AGMO: variants seen among roughly 807,000 people sequenced by gnomAD.
AGMO encodes alkylglycerol monooxygenase.
Under a neutral mutation model 60.2 loss-of-function variants are expected in AGMO, and 75 were observed. The observed-to-expected ratio is 1.25, with a 90% CI of 1.03 to 1.51. AGMO has a LOEUF of 1.51. Ranked by LOEUF, AGMO falls within the 40% of genes most tolerant of loss-of-function variation. AGMO has a pLI of 0.00. For synonymous variants in AGMO, 261 were observed against 177.1 expected (o/e 1.47, Z -3.76); for missense variants, 763 against 525.5 (o/e 1.45, Z -4.42).
At chr7:15,410,924 G>A (rs547991764) in intron 5 of AGMO, among the ~76,000 whole-genome samples, 2 of 151,962 alleles carry the variant, frequency 1.3e-5, no homozygotes, top group East Asian at 3.9e-4. Context: ...TCACAACAAT[G>A]TATACCCTAT....
the AGMO span, among the ~76,000 whole-genome samples, chr7:15,147,101 C>A: frequency 2.6e-5 from 4 of 152,084 alleles, no homozygotes; most frequent in Admixed American, 6.5e-5. Context: ...GTTGCTTGGC[C>A]TTCTCTGGGG....
chr7:15,186,832 C>A, the AGMO span, among the ~76,000 whole-genome samples: 1 of 152,264 alleles, frequency 6.6e-6, no homozygotes, highest in South Asian at 2.1e-4. Flanking sequence ...TCCCGGCGCA[C>A]TTTGCAGATG....
intron 12 of AGMO, among the ~76,000 whole-genome samples, chr7:15,248,426 G>T (rs949036319): frequency 1.3e-5 from 2 of 151,752 alleles, no homozygotes; most frequent in South Asian, 4.2e-4. Flanking sequence ...ATCTAGACCA[G>T]AGATGGCAAG....
intron 12 of AGMO, among the ~76,000 whole-genome samples, chr7:15,237,185 A>G (rs1782448192): frequency 6.6e-6 from 1 of 152,102 alleles, no homozygotes; most frequent in African/African-American, 2.4e-5. Flanking sequence ...GAACAAGAGG[A>G]AGCAGATTCC....
chr7:15,512,113 C>A (rs1473282960), intron 3 of AGMO, among the ~76,000 whole-genome samples: 1 of 151,984 alleles, frequency 6.6e-6, no homozygotes, highest in Non-Finnish European at 1.5e-5. Flanking sequence ...ATCACTCATA[C>A]AAATGTTGCA....
At chr7:15,454,429 GTTAA>G (rs1461667069) in intron 3 of AGMO, among the ~76,000 whole-genome samples, 1 of 151,710 alleles carries the variant, frequency 6.6e-6, no homozygotes, top group African/African-American at 2.4e-5. Flanking sequence ...AGACAGATAT[GTTAA>G]TTAGTTTGAC....
chr7:15,554,512 A>G (rs534170482), intron 2 of AGMO, among the ~76,000 whole-genome samples: 1 of 152,050 alleles, frequency 6.6e-6, no homozygotes, highest in South Asian at 2.1e-4. Context: ...TATTTTCTTC[A>G]TGAATTCCCC....
intron 9 of AGMO, among the ~76,000 whole-genome samples, chr7:15,386,828 G>T (rs988021509): frequency 3.3e-5 from 5 of 152,002 alleles, no homozygotes; most frequent in African/African-American, 1.2e-4. Context: ...GAGTAATTTT[G>T]GGTTAAAACT....
At chr7:15,541,185 C>T (rs985291463) in intron 3 of AGMO, among the ~76,000 whole-genome samples, 4 of 152,046 alleles carry the variant, frequency 2.6e-5, no homozygotes, top group East Asian at 1.9e-4. Context: ...TGCAGTGGAA[C>T]GGTCTTGGCT....
At chr7:15,506,788 A>G (rs1174206740) in intron 3 of AGMO, among the ~76,000 whole-genome samples, 2 of 151,966 alleles carry the variant, frequency 1.3e-5, no homozygotes, top group Non-Finnish European at 2.9e-5. Flanking sequence ...GTGTGAGATG[A>G]GGTAAATACA....
intron 3 of AGMO, among the ~76,000 whole-genome samples, chr7:15,460,498 A>G (rs1160477821): frequency 6.6e-6 from 1 of 152,160 alleles, no homozygotes; most frequent in Non-Finnish European, 1.5e-5. Context: ...CATTATTATG[A>G]AAAATATTTT....
intron 8 of AGMO, among the ~76,000 whole-genome samples, chr7:15,388,912 G>A (rs1175007123): frequency 6.6e-6 from 1 of 152,166 alleles, no homozygotes; most frequent in African/African-American, 2.4e-5. Flanking sequence ...TATGCTGAAG[G>A]AAATGTGAGG....
At chr7:15,158,573 T>C in the AGMO span, among the ~76,000 whole-genome samples, 859 of 152,320 alleles carry the variant, frequency 5.6e-3, 7 homozygotes, top group African/African-American at 0.019. Flanking sequence ...CACAATAGCA[T>C]TCATGCAAAG....
chr7:15,198,731 T>G (rs1781199862), downstream of AGMO, among the ~76,000 whole-genome samples: 1 of 152,090 alleles, frequency 6.6e-6, no homozygotes, highest in Non-Finnish European at 1.5e-5. Context: ...AAGCTATTCT[T>G]GGCTGAGTCA....
intron 12 of AGMO, among the ~76,000 whole-genome samples, chr7:15,323,485 G>A (rs1366534392): frequency 6.6e-6 from 1 of 152,122 alleles, no homozygotes; most frequent in East Asian, 1.9e-4. Flanking sequence ...TATGGAGATG[G>A]TAGGAGGGAT....
intron 3 of AGMO, among the ~76,000 whole-genome samples, chr7:15,461,544 G>T (rs751896291): frequency 6.6e-6 from 1 of 152,040 alleles, no homozygotes; most frequent in Admixed American, 6.6e-5. Flanking sequence ...TTTTATTTGA[G>T]CTCTCCTTTG....
the AGMO span, among the ~76,000 whole-genome samples, chr7:15,166,889 G>C: frequency 1.3e-5 from 2 of 152,142 alleles, no homozygotes; most frequent in Non-Finnish European, 2.9e-5. Context: ...GCAAGATTAG[G>C]GGTGTAAGTG....
At chr7:15,170,718 T>C in the AGMO span, among the ~76,000 whole-genome samples, 1 of 152,172 alleles carries the variant, frequency 6.6e-6, no homozygotes, top group Non-Finnish European at 1.5e-5. Flanking sequence ...CTAAAGTCCA[T>C]ACTGTATTCA....
At chr7:15,171,820 A>C in the AGMO span, among the ~76,000 whole-genome samples, 1 of 152,276 alleles carries the variant, frequency 6.6e-6, no homozygotes, top group African/African-American at 2.4e-5. Context: ...AAACTTGAGA[A>C]ATTTGGGGGA....
Sources: gnomAD v4.1 joint callset for allele counts (sites outside exome capture counted in the v4.1 genomes callset) on GRCh38, gnomAD v4.1.1 for gene constraint, MANE v1.5 for transcripts, NCBI Gene and HGNC (gene_info 2026-07-23, HGNC 2026-07-21) for gene names.